Variants in LHFPL6 observed in about 807,000 individuals in gnomAD.
The protein encoded by LHFPL6 is LHFPL tetraspan subfamily member 6, also known as LHFPL tetraspan subfamily member 6 protein.
A neutral mutation model predicts 20.6 loss-of-function variants in LHFPL6; 9 were observed. That is an observed-to-expected ratio of 0.44 (90% confidence interval 0.26 to 0.76). LHFPL6 has a LOEUF of 0.76. Ranked by LOEUF, LHFPL6 falls within the 30% of genes least tolerant of loss-of-function variation. The pLI, the probability that LHFPL6 is intolerant of heterozygous loss-of-function variation, is 0.20. For missense variants in LHFPL6, 218 were observed against 253.5 expected (o/e 0.86, Z 0.95); for synonymous variants, 105 against 98.7 (o/e 1.06, Z -0.38).
intron 2 of LHFPL6, among the ~76,000 whole-genome samples, chr13:39,418,721 A>C (rs1189551112): frequency 2.0e-5 from 3 of 152,226 alleles, no homozygotes; most frequent in Non-Finnish European, 2.9e-5. Flanking sequence ...TATCTGATTC[A>C]GTCACAGAAA....
chr13:39,460,395 T>C (rs1566116511), intron 2 of LHFPL6, among the ~76,000 whole-genome samples: 1 of 152,046 alleles, frequency 6.6e-6, no homozygotes, highest in Non-Finnish European at 1.5e-5. Context: ...TTAATTATGG[T>C]GGAAATATTA....
intron 2 of LHFPL6, among the ~76,000 whole-genome samples, chr13:39,569,140 T>TGGAC (rs199718158): frequency 0.17 from 8,864 of 51,632 alleles, 368 homozygotes; most frequent in East Asian, 0.39. Flanking sequence ...GATGGATGGA[T>TGGAC]GGATGGATGG....
chr13:39,439,496 T>C (rs760329697), intron 2 of LHFPL6, among the ~76,000 whole-genome samples: 5 of 152,104 alleles, frequency 3.3e-5, no homozygotes, highest in Non-Finnish European at 7.4e-5. Flanking sequence ...GAAGGCATGA[T>C]TGTATTTTGC....
chr13:39,392,206 T>C (rs9576784), intron 2 of LHFPL6, among the ~76,000 whole-genome samples: 36,207 of 152,074 alleles, frequency 0.24, 4,731 homozygotes, highest in East Asian at 0.43. Flanking sequence ...AAGAAGTATT[T>C]AAAATACTAC....
intron 3 of LHFPL6, among the ~76,000 whole-genome samples, chr13:39,345,022 C>T (rs1869352710): frequency 6.6e-6 from 1 of 152,140 alleles, no homozygotes; most frequent in Non-Finnish European, 1.5e-5. Context: ...TAAAGAAGGC[C>T]TCTATATCTT....
intron 2 of LHFPL6, among the ~76,000 whole-genome samples, chr13:39,571,925 T>C (rs1455384296): frequency 1.3e-5 from 2 of 152,208 alleles, no homozygotes; most frequent in Admixed American, 6.5e-5. Flanking sequence ...CGCTTGCTCA[T>C]GTGCTGCCTC....
intron 2 of LHFPL6, among the ~76,000 whole-genome samples, chr13:39,526,200 T>C (rs779117381): frequency 6.6e-6 from 1 of 152,200 alleles, no homozygotes; most frequent in East Asian, 1.9e-4. Flanking sequence ...CACTGTTATA[T>C]CCCAAGCCCC....
intron 2 of LHFPL6, among the ~76,000 whole-genome samples, chr13:39,485,490 A>T (rs766307848): frequency 2.0e-5 from 3 of 152,220 alleles, no homozygotes; most frequent in Non-Finnish European, 2.9e-5. Context: ...TAGAAGGAAG[A>T]TAAAGGACAG....
intron 2 of LHFPL6, among the ~76,000 whole-genome samples, chr13:39,537,327 C>T (rs1029122864): frequency 2.0e-5 from 3 of 151,984 alleles, no homozygotes; most frequent in African/African-American, 7.3e-5. Flanking sequence ...GTTTATGAAC[C>T]AAGGAAATAA....
intron 2 of LHFPL6, among the ~76,000 whole-genome samples, chr13:39,540,687 G>C (rs1870768956): frequency 6.6e-6 from 1 of 152,062 alleles, no homozygotes; most frequent in African/African-American, 2.4e-5. Context: ...CTGTAAAATA[G>C]GCTTCCATTG....
rs1160188638 is a variant in LHFPL6, at chr13:39,564,758, A to G, written c.385+36074T>C. The stretch of plus-strand genomic sequence containing the variant: ...TGCTTATTTAAGTAGCCTTTTATGT[A>G]AAAGGGTTAAGAACACTACTTCCAC... On this transcript the variant is annotated intron_variant, in intron 2 of 3. Transcript: ENST00000379589. 2.0e-5 allele frequency among the ~76,000 whole-genome samples: 3 copies of G among 152,352 alleles called. No homozygotes were observed. The East Asian group carries it at 5.8e-4, about 29-fold the overall frequency.
intron 2 of LHFPL6, among the ~76,000 whole-genome samples, chr13:39,586,914 T>C (rs557171948): frequency 1.3e-5 from 2 of 152,264 alleles, no homozygotes; most frequent in African/African-American, 4.8e-5. Flanking sequence ...CCTAGCACTT[T>C]GGGAGGCCGA....
intron 3 of LHFPL6, among the ~76,000 whole-genome samples, chr13:39,356,851 C>A (rs1364204602): frequency 6.6e-6 from 1 of 152,128 alleles, no homozygotes; most frequent in Non-Finnish European, 1.5e-5. Context: ...ATAATGAGTT[C>A]TGAAATTGAA....
intron 2 of LHFPL6, among the ~76,000 whole-genome samples, chr13:39,385,690 T>G (rs1425663992): frequency 6.6e-6 from 1 of 152,252 alleles, no homozygotes; most frequent in Non-Finnish European, 1.5e-5. Flanking sequence ...TTTTCCCTTC[T>G]GCAAAACTCT....
chr13:39,596,069 T>C (rs917345041), intron 2 of LHFPL6, among the ~76,000 whole-genome samples: 1 of 152,178 alleles, frequency 6.6e-6, no homozygotes, highest in Non-Finnish European at 1.5e-5. Flanking sequence ...ATCCAAAATC[T>C]TGTGTCTGGT....
intron 2 of LHFPL6, among the ~76,000 whole-genome samples, chr13:39,399,575 GA>G (rs1445784785): frequency 5.3e-5 from 8 of 152,174 alleles, no homozygotes; most frequent in Non-Finnish European, 1.2e-4. Context: ...CAAGAATTAT[GA>G]ACTCTTTTTA....
intron 2 of LHFPL6, among the ~76,000 whole-genome samples, chr13:39,504,602 C>T (rs1869408091): frequency 6.6e-6 from 1 of 152,218 alleles, no homozygotes; most frequent in Non-Finnish European, 1.5e-5. Context: ...TGGTCCTTCC[C>T]TCTGTACTTG....
intron 2 of LHFPL6, among the ~76,000 whole-genome samples, chr13:39,505,970 C>T (rs561615158): frequency 3.9e-5 from 6 of 152,274 alleles, no homozygotes; most frequent in South Asian, 2.1e-4. Context: ...AAAGGATCTG[C>T]GGAACATCTC....
intron 2 of LHFPL6, among the ~76,000 whole-genome samples, chr13:39,518,819 A>T (rs1048531698): frequency 1.3e-5 from 2 of 152,228 alleles, no homozygotes; most frequent in Non-Finnish European, 1.5e-5. Context: ...TGAGGCCCAA[A>T]CACGTGTCTA....
Sources: allele counts gnomAD v4.1 joint callset (sites outside exome capture counted in the v4.1 genomes callset), GRCh38; gene constraint gnomAD v4.1.1; transcripts MANE v1.5; gene names NCBI Gene and HGNC (gene_info 2026-07-23, HGNC 2026-07-21).